The following TGS1 variants were observed in gnomAD, a reference collection of about 807,000 sequenced individuals.
TGS1 encodes trimethylguanosine synthase 1.
TGS1 carries 69 observed loss-of-function variants against 92.2 expected under a neutral mutation model. The ratio of observed to expected loss-of-function variants is 0.75; its 90% CI spans 0.62 to 0.91. TGS1 has a LOEUF of 0.91. Among genes scored for constraint, TGS1 ranks in the 40% least tolerant of loss-of-function variants. The pLI is 0.00. For missense variants in TGS1, 1,062 were observed against 1,001.2 expected (o/e 1.06, Z -0.82); for synonymous variants, 345 against 338.1 (o/e 1.02, Z -0.22).
intron 7 of TGS1, among the ~76,000 whole-genome samples, chr8:55,797,899 C>T (rs1812103956): frequency 6.6e-6 from 1 of 152,084 alleles, no homozygotes; most frequent in Non-Finnish European, 1.5e-5. Context: ...GTAAAATATG[C>T]TACATATATA....
intron 12 of TGS1, among the ~76,000 whole-genome samples, chr8:55,822,471 ATC>A (rs926564057): frequency 1.3e-5 from 2 of 152,148 alleles, no homozygotes; most frequent in Non-Finnish European, 2.9e-5. Flanking sequence ...TTTGAGTTAT[ATC>A]TCAACTCAAA....
intron 9 of TGS1, 39 bp from the exon 10 acceptor site, chr8:55,804,854 G>A: frequency 6.3e-7 from 1 of 1,596,700 alleles, no homozygotes; most frequent in African/African-American, 1.3e-5. Context: ...TTGGCTTCTT[G>A]AAATTGAACA....
chr8:55,805,334 A>G (rs1469894413), intron 10 of TGS1, among the ~76,000 whole-genome samples: 3 of 152,192 alleles, frequency 2.0e-5, no homozygotes, highest in Non-Finnish European at 4.4e-5. Flanking sequence ...CAAAAAAAAG[A>G]AACTCGCAGA....
intron 10 of TGS1, among the ~76,000 whole-genome samples, chr8:55,807,621 G>A (rs766968062): frequency 9.2e-5 from 14 of 151,536 alleles, no homozygotes; most frequent in South Asian, 2.1e-4. Flanking sequence ...TTGACTTCCC[G>A]GGCTCAAGTG....
chr8:55,776,998 G>GT lies in TGS1; in HGVS notation c.101+3285dup, dbSNP rs1273871733. The stretch of plus-strand genomic sequence containing the variant: ...GGTTCTTGGGTGTTTTTTTTGTTTT[G>GT]TTTTTTGGGTTTTGGGAGGTTTATT... On this transcript the variant is annotated intron_variant, in intron 1 of 12. Coordinates refer to ENST00000260129, the MANE Select transcript of TGS1 (RefSeq NM_024831.8). Among the ~76,000 whole-genome samples the GT allele has an allele frequency of 6.6e-5, 10 of 151,104 alleles. No individual in the cohort carries two copies. The South Asian group carries it at 8.4e-4, about 13-fold the overall frequency.
chr8:55,786,765 A>G lies in TGS1; in HGVS notation c.867A>G (p.Lys289=). Residue 289 remains lysine, a synonymous_variant, in exon 4 of 13, where the codon AAA becomes AAG. Transcript: ENST00000260129. ...ADDKNDEKCM[K]VDLVSFPSSP... ...ACAAGAACGATGAAAAATGCATGAAAGTTGACTTAGTATCTTTTCCATCTT... is the reference window on the plus strand; with the variant it reads ...ACAAGAACGATGAAAAATGCATGAAGGTTGACTTAGTATCTTTTCCATCTT... The G allele has an allele frequency of 6.2e-7, 1 of 1,614,214 alleles. No individual in the cohort carries two copies. The highest frequency in any genetic ancestry group is 1.1e-5 in the South Asian group (1 of 91,080).
chr8:55,801,093 CAGCT>C (rs1812200388), intron 8 of TGS1, among the ~76,000 whole-genome samples: 4 of 152,234 alleles, frequency 2.6e-5, no homozygotes, highest in Admixed American at 2.0e-4. Flanking sequence ...ATGTGGCTGA[CAGCT>C]AGAGCCTAAT....
At chr8:55,803,664 CT>C (rs1388236339) in intron 9 of TGS1, among the ~76,000 whole-genome samples, 1 of 150,162 alleles carries the variant, frequency 6.7e-6, no homozygotes, top group Non-Finnish European at 1.5e-5. Context: ...ATTTATTTTT[CT>C]TTTCTTTTCT....
rs769918240 is a variant in TGS1, at chr8:55,810,896, T to C, written c.2159T>C (p.Ile720Thr). 6.2e-6 allele frequency: 10 copies of C among 1,613,950 alleles called. No individual in the cohort carries two copies. The Admixed American group carries it at 6.7e-5, about 11-fold the overall frequency. Residue 720 changes from isoleucine to threonine, a missense_variant, in exon 11 of 13, where the codon ATC becomes ACC. Coordinates refer to ENST00000260129, the MANE Select transcript of TGS1 (RefSeq NM_024831.8). ...LTGMRVIAIDIDPVKIALARN... is the reference protein window; with the variant it reads ...LTGMRVIAIDTDPVKIALARN... The stretch of plus-strand genomic sequence containing the variant: ...CCACTTTTAGTGATTGCCATTGATA[T>C]CGATCCTGTTAAGATTGCCCTTGCT...
chr8:55,777,109 G>A (rs1191786306), intron 1 of TGS1, among the ~76,000 whole-genome samples: 1 of 151,884 alleles, frequency 6.6e-6, no homozygotes. Context: ...CCTGGCTCAA[G>A]CAATCCTCCT....
At chr8:55,814,709 A>G (rs1415441734) in intron 12 of TGS1, among the ~76,000 whole-genome samples, 1 of 147,182 alleles carries the variant, frequency 6.8e-6, no homozygotes, top group South Asian at 2.1e-4. Context: ...GTACACACAC[A>G]TACACACAAA....
chr8:55,823,078 C>T (rs1803693101), intron 12 of TGS1, among the ~76,000 whole-genome samples: 1 of 152,182 alleles, frequency 6.6e-6, no homozygotes, highest in African/African-American at 2.4e-5. Context: ...ATTGCCAGGA[C>T]TCTCCACTGC....
Position 55,811,103 on chromosome 8 carries a change from CTT to C in TGS1, c.2360+8_2360+9del, listed in dbSNP as rs758603411. 2 of 1,369,716 alleles carry C rather than the reference CTT, an allele frequency of 1.5e-6. No individual in the cohort carries two copies. The highest frequency in any genetic ancestry group is 1.9e-6 in the Non-Finnish European group (2 of 1,029,914). 84.8% of individuals were successfully genotyped at this position (1,369,716 alleles called of 1,614,324 possible). On this transcript the variant is annotated splice_region_variant and intron_variant, in intron 11 of 12. Transcript: ENST00000260129. Reference sequence around the variant, plus strand: ...ACAATGATGTCTCCTGATGGATATCCTTTGGAAGTCTTAAGAGTTTACTGAAA... The same window carrying C: ...ACAATGATGTCTCCTGATGGATATCCTGGAAGTCTTAAGAGTTTACTGAAA...
In TGS1 at chr8:55,805,881, T is replaced by TA. The variant is rs60887117; in HGVS notation, c.2143+868dup. On this transcript the variant is annotated intron_variant, in intron 10 of 12. Coordinates refer to ENST00000260129, the MANE Select transcript of TGS1 (RefSeq NM_024831.8). ...TGGGCAACAGAGTGAGACTCCATCT[T>TA]AAAAAAAAAAAAAAAAAAAAAAATT... Among the ~76,000 whole-genome samples the TA allele has an allele frequency of 3.5e-3, 415 of 119,160 alleles. 2 individuals carry two copies. The highest frequency in any genetic ancestry group is 0.018 in the East Asian group (72 of 3,900). 78.2% of individuals were successfully genotyped at this position (119,160 alleles called of 152,430 possible).
chr8:55,785,644 G>A, intron 2 of TGS1, 75 bp from the exon 3 acceptor site: 1 of 1,179,778 alleles, frequency 8.5e-7, no homozygotes, highest in Non-Finnish European at 1.2e-6. Context: ...TGGATCTCAG[G>A]TTTTTTTAAA....
chr8:55,794,449 T>A (rs1466858646), intron 6 of TGS1, among the ~76,000 whole-genome samples: 1 of 152,202 alleles, frequency 6.6e-6, no homozygotes, highest in African/African-American at 2.4e-5. Context: ...TTTGGATTAT[T>A]TGTGGCATTT....
chr8:55,802,476 G>C lies in TGS1; in HGVS notation c.1869G>C (p.Lys623Asn), dbSNP rs766995838. 4.3e-6 allele frequency: 7 copies of C among 1,613,330 alleles called. No individual in the cohort carries two copies. The African/African-American group carries it at 6.7e-5, about 15-fold the overall frequency. The change falls in exon 9 of 13, where the codon AAG becomes AAC. Residue 623 changes from lysine to asparagine, a missense_variant. Coordinates refer to ENST00000260129, the MANE Select transcript of TGS1 (RefSeq NM_024831.8). Reference sequence around the variant, plus strand: ...TTTTAGCTGAAGTGAAAAAGAAGAAGAACAAGAAGAAGAACAAAAAGGTGA... The same window carrying C: ...TTTTAGCTGAAGTGAAAAAGAAGAACAACAAGAAGAAGAACAAAAAGGTGA... ...AETEAEVKKKKNKKKNKKVNG... is the reference protein window; with the variant it reads ...AETEAEVKKKNNKKKNKKVNG...
chr8:55,798,688 A>T (rs1292084539), intron 7 of TGS1, among the ~76,000 whole-genome samples: 1 of 152,152 alleles, frequency 6.6e-6, no homozygotes. Flanking sequence ...ATTTAATCTG[A>T]TATTTTTTTC....
chr8:55,798,999 C>G lies in TGS1; in HGVS notation c.1628C>G (p.Ala543Gly). 1.2e-6 allele frequency: 2 copies of G among 1,614,170 alleles called. No individual in the cohort carries two copies. The highest frequency in any genetic ancestry group is 1.7e-6 in the Non-Finnish European group (2 of 1,180,016). ...TCTTCTCATGACAATGTGCACGACGCTTCCACAAGTAGTGATTCAGAGGAA... is the reference window on the plus strand; with the variant it reads ...TCTTCTCATGACAATGTGCACGACGGTTCCACAAGTAGTGATTCAGAGGAA... ...ESSSHDNVHDASTSSDSEEQD... is the reference protein window; with the variant it reads ...ESSSHDNVHDGSTSSDSEEQD... Residue 543 changes from alanine to glycine, a missense_variant, in exon 8 of 13, where the codon GCT (alanine) becomes GGT (glycine). Ala to Gly is a moderately conservative substitution (Grantham distance 60). Transcript: ENST00000260129.
Sources: gnomAD v4.1 joint callset for allele counts (sites outside exome capture counted in the v4.1 genomes callset) on GRCh38, gnomAD v4.1.1 for gene constraint, MANE v1.5 for transcripts, NCBI Gene and HGNC (gene_info 2026-07-23, HGNC 2026-07-21) for gene names.